Variants in TEX9 observed in about 807,000 individuals in gnomAD.
The protein encoded by TEX9 is testis expressed 9.
In TEX9, 74 loss-of-function variants were observed where a neutral mutation model predicts 59.6. The observed-to-expected ratio is 1.24, with a 90% confidence interval of 1.03 to 1.51. The LOEUF is 1.51. Ranked by LOEUF, TEX9 falls within the 40% of genes most tolerant of loss-of-function variation. The pLI is 0.00. For missense variants in TEX9, 522 were observed against 447.8 expected, an observed-to-expected ratio of 1.17 and a Z score of -1.49; for synonymous variants, 186 against 152.2, an observed-to-expected ratio of 1.22 and a Z score of -1.64.
intron 1 of TEX9, among the ~76,000 whole-genome samples, chr15:56,336,891 G>A (rs12442951): frequency 0.044 from 6,680 of 152,196 alleles, 224 homozygotes; most frequent in Admixed American, 0.086. Context: ...AGCGTAGGGC[G>A]ATTCCCAGTA....
At chr15:56,254,955 A>G (rs1196940223) in intron 1 of TEX9, among the ~76,000 whole-genome samples, 3 of 152,046 alleles carry the variant, frequency 2.0e-5, no homozygotes. Context: ...TGACTATAGG[A>G]TAAATTTTAA....
intron 1 of TEX9, among the ~76,000 whole-genome samples, chr15:56,256,611 AG>A (rs1425642577): frequency 6.6e-6 from 1 of 151,752 alleles, no homozygotes; most frequent in Non-Finnish European, 1.5e-5. Context: ...TTTTTTGAAA[AG>A]AACCAAAAAT....
chr15:56,285,470 C>A (rs1323815892), intron 1 of TEX9, among the ~76,000 whole-genome samples: 1 of 152,168 alleles, frequency 6.6e-6, no homozygotes, highest in Non-Finnish European at 1.5e-5. Context: ...CTAAACTCTC[C>A]TCCCATTTGG....
rs187568740 is a variant in TEX9 at position 56,366,318 on chromosome 15, C to T, written c.119+648C>T. Among the ~76,000 whole-genome samples, 51 of 152,270 alleles carry T rather than the reference C, an allele frequency of 3.3e-4. 1 individual carries two copies. Among genetic ancestry groups the T allele is most frequent in the Middle Eastern group, 6.8e-3 (2 of 294 alleles). ...TTCAAAAGCTCTGATCGATGTGGCT[C>T]CTCCTGCCTCCTCTATTTGATCTTA... is the stretch of plus-strand genomic sequence containing the variant. On this transcript the variant is annotated intron_variant, in intron 2 of 12. Coordinates refer to ENST00000352903, the Ensembl canonical transcript of TEX9.
chr15:56,351,517 G>A (rs1451305260), intron 1 of TEX9, among the ~76,000 whole-genome samples: 4 of 152,162 alleles, frequency 2.6e-5, no homozygotes, highest in African/African-American at 7.2e-5. Context: ...CCAAGAGCTC[G>A]AGTGCAGCCA....
chr15:56,263,155 C>T (rs972353142), intron 1 of TEX9, among the ~76,000 whole-genome samples: 2 of 152,118 alleles, frequency 1.3e-5, no homozygotes, highest in Admixed American at 1.3e-4. Flanking sequence ...TCCCGAGTAG[C>T]TGGGATTACA....
chr15:56,422,626 C>T (rs1413432072), intron 10 of TEX9, among the ~76,000 whole-genome samples: 2 of 151,826 alleles, frequency 1.3e-5, no homozygotes, highest in African/African-American at 2.4e-5. Context: ...TATCTATAAA[C>T]TCTACATTGT....
chr15:56,307,792 T>G (rs2045517830), intron 1 of TEX9, among the ~76,000 whole-genome samples: 1 of 152,216 alleles, frequency 6.6e-6, no homozygotes, highest in Non-Finnish European at 1.5e-5. Context: ...CTTTCTGTCT[T>G]TATGGATTTG....
rs575088936 is a variant in TEX9, at chr15:56,373,329, A to G, written c.120-112A>G. ...GTTCATTTTAGAGTAAGAATGCCATATGTATATTTTGGCATTTGTTGATTA... is the reference window on the plus strand; with the variant it reads ...GTTCATTTTAGAGTAAGAATGCCATGTGTATATTTTGGCATTTGTTGATTA... On this transcript the variant is annotated intron_variant, in intron 2 of 12. Transcript: ENST00000352903. The G allele has an allele frequency of 2.2e-3, 1,918 of 876,684 alleles. 2 individuals carry two copies. The highest frequency in any genetic ancestry group is 3.0e-3 in the Non-Finnish European group (1,762 of 586,398). The allele number at this position is 876,684 out of a possible 1,614,324, so 54.3% of individuals were successfully genotyped here. A position where few individuals can be genotyped will look rare whatever the true frequency, so the allele number is the denominator to read the frequency against.
intron 10 of TEX9, among the ~76,000 whole-genome samples, chr15:56,425,203 G>A (rs1334925562): frequency 6.6e-6 from 1 of 152,128 alleles, no homozygotes; most frequent in Non-Finnish European, 1.5e-5. Context: ...ATTAAAATGT[G>A]TCTTGCTGTG....
At chr15:56,416,744 CCCT>C (rs1596220859) in intron 10 of TEX9, among the ~76,000 whole-genome samples, 1 of 151,686 alleles carries the variant, frequency 6.6e-6, no homozygotes, top group African/African-American at 2.4e-5. Context: ...GGGGAGGAGT[CCCT>C]CCTCAGTTTT....
At chr15:56,416,482 CT>C (rs1307550116) in intron 10 of TEX9, among the ~76,000 whole-genome samples, 1 of 151,596 alleles carries the variant, frequency 6.6e-6, no homozygotes, top group Non-Finnish European at 1.5e-5. Context: ...TGGTTTTTGT[CT>C]TAATTCTGTT....
intron 1 of TEX9, among the ~76,000 whole-genome samples, chr15:56,244,751 G>A (rs1166712205): frequency 1.3e-5 from 2 of 152,000 alleles, no homozygotes; most frequent in East Asian, 1.9e-4. Flanking sequence ...AGGCTCAGGC[G>A]TCAGCCACGA....
chr15:56,380,498 T>G (rs2047677072), intron 3 of TEX9, among the ~76,000 whole-genome samples: 1 of 152,200 alleles, frequency 6.6e-6, no homozygotes, highest in South Asian at 2.1e-4. Context: ...ATGTTTACTA[T>G]TACCAGTGAC....
chr15:56,446,949 T>TA, downstream of TEX9: 4 of 1,595,118 alleles, frequency 2.5e-6, no homozygotes, highest in African/African-American at 1.3e-5. Context: ...CAATGCTGTT[T>TA]AAAAAAACAA....
chr15:56,410,380 T>C (rs1272432507), intron 9 of TEX9, among the ~76,000 whole-genome samples: 1 of 152,124 alleles, frequency 6.6e-6, no homozygotes, highest in Non-Finnish European at 1.5e-5. Flanking sequence ...TATGAATGCT[T>C]TAATAATCAT....
At position 56,394,248 on chromosome 15, in the gene TEX9, G is replaced by A. The variant is rs1176428104; in HGVS notation, c.654+1G>A. ...TGTTGTATGTGAATGCAATAAAAAG[G>A]TAAGTTTTAAAAACCTCTTAAAAGG... is the stretch of plus-strand genomic sequence containing the variant. On this transcript the variant is annotated splice_donor_variant, in intron 8 of 12. Transcript: ENST00000352903. LOFTEE classifies it high-confidence loss of function. 1.3e-6 allele frequency: 2 copies of A among 1,598,730 alleles called. No individual in the cohort carries two copies. The highest frequency in any genetic ancestry group is 1.2e-5 in the South Asian group (1 of 86,140).
intron 1 of TEX9, among the ~76,000 whole-genome samples, chr15:56,265,357 G>A (rs1360295437): frequency 6.6e-6 from 1 of 151,396 alleles, no homozygotes; most frequent in Non-Finnish European, 1.5e-5. Context: ...ATTTTTTGTA[G>A]AGACAGGGTC....
chr15:56,456,492 G>C, the TEX9 span: 3 of 1,611,304 alleles, frequency 1.9e-6, no homozygotes, highest in African/African-American at 2.7e-5. Context: ...GTTTGAGCTG[G>C]AGTTCTTTCA....
Sources: gnomAD v4.1 joint callset for allele counts (sites outside exome capture counted in the v4.1 genomes callset) on GRCh38, gnomAD v4.1.1 for gene constraint, MANE v1.5 for transcripts, NCBI Gene and HGNC (gene_info 2026-07-23, HGNC 2026-07-21) for gene names.